The following CNTNAP2 variants were observed in gnomAD, a reference collection of about 807,000 sequenced individuals.
CNTNAP2 encodes the protein contactin-associated protein-like 2.
CNTNAP2 carries 98 observed loss-of-function variants against 155.2 expected under a neutral mutation model. The observed-to-expected ratio is 0.63, with a 90% CI of 0.54 to 0.75. The LOEUF (loss-of-function observed/expected upper bound fraction) is 0.75. Ranked by LOEUF, CNTNAP2 falls within the 30% of genes least tolerant of loss-of-function variation. The pLI, the probability that CNTNAP2 is intolerant of heterozygous loss-of-function variation, is 0.00. For missense variants in CNTNAP2, 1,727 were observed against 1,688.1 expected, an observed-to-expected ratio of 1.02 and a Z score of -0.40; for synonymous variants, 651 against 631.2, an observed-to-expected ratio of 1.03 and a Z score of -0.47.
At chr7:147,779,432 G>A (rs866947623) in intron 13 of CNTNAP2, among the ~76,000 whole-genome samples, 5 of 152,158 alleles carry the variant, frequency 3.3e-5, no homozygotes, top group African/African-American at 7.2e-5. Context: ...TATAAATGAA[G>A]GAGAAACGTA....
At chr7:147,995,761 C>T (rs986623281) in intron 15 of CNTNAP2, among the ~76,000 whole-genome samples, 3 of 152,270 alleles carry the variant, frequency 2.0e-5, no homozygotes, top group African/African-American at 7.2e-5. Flanking sequence ...GATCTGCCCA[C>T]CTCGGCCTCC....
chr7:148,310,299 T>G (rs1797570074), intron 21 of CNTNAP2, among the ~76,000 whole-genome samples: 1 of 152,194 alleles, frequency 6.6e-6, no homozygotes, highest in East Asian at 1.9e-4. Context: ...AACAACACTC[T>G]TCATTTAAGA....
chr7:146,952,854 C>G (rs1039307374), intron 3 of CNTNAP2, among the ~76,000 whole-genome samples: 1 of 151,980 alleles, frequency 6.6e-6, no homozygotes, highest in Non-Finnish European at 1.5e-5. Flanking sequence ...TTTCATTCCT[C>G]TAGTACAAAT....
intron 1 of CNTNAP2, among the ~76,000 whole-genome samples, chr7:146,521,635 A>G (rs1797618275): frequency 6.6e-6 from 1 of 152,032 alleles, no homozygotes; most frequent in African/African-American, 2.4e-5. Context: ...ATTTCTATAG[A>G]GAACACCCCA....
chr7:148,082,489 T>C (rs1158852918), intron 15 of CNTNAP2, among the ~76,000 whole-genome samples: 1 of 151,872 alleles, frequency 6.6e-6, no homozygotes, highest in Non-Finnish European at 1.5e-5. Context: ...GGGAAGGAGA[T>C]AGAGGAGGAG....
chr7:146,290,449 C>A (rs1464946925), intron 1 of CNTNAP2, among the ~76,000 whole-genome samples: 4 of 152,168 alleles, frequency 2.6e-5, no homozygotes, highest in Non-Finnish European at 5.9e-5. Context: ...CTTTAAGAAG[C>A]TTATCCGCCA....
At chr7:147,870,387 A>C (rs1400620920) in intron 13 of CNTNAP2, among the ~76,000 whole-genome samples, 1 of 152,126 alleles carries the variant, frequency 6.6e-6, no homozygotes, top group Non-Finnish European at 1.5e-5. Flanking sequence ...ATCTTGCAGA[A>C]ATGGGCCTGC....
At chr7:147,747,066 AT>A (rs958647666) in intron 13 of CNTNAP2, among the ~76,000 whole-genome samples, 1 of 152,152 alleles carries the variant, frequency 6.6e-6, no homozygotes, top group Non-Finnish European at 1.5e-5. Flanking sequence ...CAAATATCCT[AT>A]TTACTTCCAA....
chr7:146,133,450 G>A (rs1314654672), intron 1 of CNTNAP2, among the ~76,000 whole-genome samples: 1 of 152,048 alleles, frequency 6.6e-6, no homozygotes, highest in Non-Finnish European at 1.5e-5. Flanking sequence ...GGCTTTTGTT[G>A]CCCTTGCTTT....
chr7:147,478,405 G>A (rs566992393), intron 10 of CNTNAP2, among the ~76,000 whole-genome samples: 47 of 152,084 alleles, frequency 3.1e-4, no homozygotes, highest in Middle Eastern at 6.8e-3. Flanking sequence ...CATCTGCCTC[G>A]GCCTCCCAAA....
intron 1 of CNTNAP2, among the ~76,000 whole-genome samples, chr7:146,508,277 A>T (rs901552549): frequency 6.6e-6 from 1 of 152,334 alleles, no homozygotes; most frequent in Non-Finnish European, 1.5e-5. Context: ...TGTCCACCCG[A>T]TAATGGCTCA....
chr7:147,497,368 T>C (rs12703923), intron 11 of CNTNAP2, among the ~76,000 whole-genome samples: 25,003 of 152,170 alleles, frequency 0.16, 2,701 homozygotes, highest in Non-Finnish European at 0.24. Context: ...CCAGACAATG[T>C]TGGCAACTAC....
intron 13 of CNTNAP2, among the ~76,000 whole-genome samples, chr7:147,684,951 C>T (rs962143866): frequency 6.6e-6 from 1 of 151,908 alleles, no homozygotes; most frequent in Non-Finnish European, 1.5e-5. Context: ...ACTGAGAATT[C>T]TGGGTTTTAC....
intron 13 of CNTNAP2, among the ~76,000 whole-genome samples, chr7:147,684,678 C>T (rs1270063839): frequency 6.6e-6 from 1 of 151,820 alleles, no homozygotes; most frequent in Non-Finnish European, 1.5e-5. Flanking sequence ...ATGTTAACTG[C>T]ATCATGCTCT....
rs193088813 is a variant in CNTNAP2 at position 148,405,961 on chromosome 7, G to A, written c.3716-3430G>A. 2.1e-3 allele frequency among the ~76,000 whole-genome samples: 321 copies of A among 152,128 alleles called. 1 individual carries two copies. The highest frequency in any genetic ancestry group is 1.6e-3 in the Non-Finnish European group (112 of 68,020). On this transcript the variant is annotated intron_variant, in intron 22 of 23. Transcript: ENST00000361727. ...TATTTAAAGAAGGTCGGCCGGGCGC[G>A]GTGGCTCACGCCTGTAATCCCAGCA...
chr7:146,173,166 G>T (rs766970290), intron 1 of CNTNAP2, among the ~76,000 whole-genome samples: 2 of 152,012 alleles, frequency 1.3e-5, no homozygotes, highest in African/African-American at 4.8e-5. Flanking sequence ...AGTGAATTAC[G>T]TGCAGAGAAC....
chr7:146,828,604 A>C (rs1403102851), intron 2 of CNTNAP2, among the ~76,000 whole-genome samples: 1 of 152,062 alleles, frequency 6.6e-6, no homozygotes, highest in Non-Finnish European at 1.5e-5. Context: ...TTTTAGAAAA[A>C]GTTTAATTTA....
intron 13 of CNTNAP2, among the ~76,000 whole-genome samples, chr7:147,722,587 T>A (rs1164300136): frequency 1.3e-5 from 2 of 152,124 alleles, no homozygotes; most frequent in Non-Finnish European, 2.9e-5. Flanking sequence ...TCAGTTTCAA[T>A]GACTTCTCTT....
intron 3 of CNTNAP2, among the ~76,000 whole-genome samples, chr7:146,932,377 A>T (rs1283434501): frequency 6.6e-6 from 1 of 151,822 alleles, no homozygotes; most frequent in Non-Finnish European, 1.5e-5. Flanking sequence ...CCTTTGACAA[A>T]ATTCAACAAC....
Sources: allele counts gnomAD v4.1 joint callset (sites outside exome capture counted in the v4.1 genomes callset), GRCh38; gene constraint gnomAD v4.1.1; transcripts MANE v1.5; gene names NCBI Gene and HGNC (gene_info 2026-07-23, HGNC 2026-07-21).